The following TAFA1 variants were observed in gnomAD, a reference collection of about 807,000 sequenced individuals.
The protein encoded by TAFA1 is TAFA chemokine like family member 1, also known as chemokine-like protein TAFA-1.
TAFA1 carries 4 observed loss-of-function variants against 18.5 expected under a neutral mutation model. The observed-to-expected ratio is 0.22, with a 90% CI of 0.11 to 0.49. TAFA1 has a LOEUF of 0.49. TAFA1 is among the 20% of genes least tolerant of loss of function. TAFA1 has a pLI of 0.98. For missense variants in TAFA1, 147 were observed against 169.0 expected, an observed-to-expected ratio of 0.87 and a Z score of 0.72; for synonymous variants, 56 against 55.2, an observed-to-expected ratio of 1.01 and a Z score of -0.06.
intron 2 of TAFA1, among the ~76,000 whole-genome samples, chr3:68,193,261 A>T (rs2066370897): frequency 6.6e-6 from 1 of 151,794 alleles, no homozygotes; most frequent in South Asian, 2.1e-4. Context: ...ATTTTATTTT[A>T]AGTACTTTTC....
At chr3:68,263,604 G>T (rs1321189465) in intron 2 of TAFA1, among the ~76,000 whole-genome samples, 1 of 151,602 alleles carries the variant, frequency 6.6e-6, no homozygotes, top group Non-Finnish European at 1.5e-5. Flanking sequence ...AAGTAATGAA[G>T]CTGAGAGAGG....
intron 2 of TAFA1, among the ~76,000 whole-genome samples, chr3:68,349,185 T>C (rs140459426): frequency 6.6e-6 from 1 of 152,058 alleles, no homozygotes; most frequent in African/African-American, 2.4e-5. Context: ...CTTGACTATC[T>C]CTTTTTTCAG....
chr3:68,126,260 G>A (rs1559529976), intron 2 of TAFA1, among the ~76,000 whole-genome samples: 1 of 152,124 alleles, frequency 6.6e-6, no homozygotes, highest in Non-Finnish European at 1.5e-5. Context: ...CTGGCCACCC[G>A]TAAGCATTGG....
rs570080983 is a variant in TAFA1, at chr3:68,242,795, A to G, written c.119-174485A>G. Among the ~76,000 whole-genome samples, 5 of 152,034 alleles carry G rather than the reference A, an allele frequency of 3.3e-5. No individual in the cohort carries two copies. In the East Asian group the frequency reaches 9.7e-4, roughly 29 times the overall value. On this transcript the variant is annotated intron_variant, in intron 2 of 4. Coordinates refer to ENST00000478136, the MANE Select transcript of TAFA1 (RefSeq NM_213609.4). ...TGTATGTAACACTTAGCATATGGTG[A>G]CTCTTAAGTAATGATGTGAGACGTG...
chr3:68,301,930 A>G (rs967046706), intron 2 of TAFA1, among the ~76,000 whole-genome samples: 11 of 152,108 alleles, frequency 7.2e-5, no homozygotes, highest in African/African-American at 2.7e-4. Flanking sequence ...TTCTTAGTTT[A>G]TTTATATTTG....
At chr3:68,109,909 T>C (rs2065244781) in intron 2 of TAFA1, among the ~76,000 whole-genome samples, 1 of 152,206 alleles carries the variant, frequency 6.6e-6, no homozygotes, top group South Asian at 2.1e-4. Flanking sequence ...ATTTTTAAAC[T>C]GCAGAGCCTC....
intron 2 of TAFA1, among the ~76,000 whole-genome samples, chr3:68,110,384 G>C (rs1350643834): frequency 6.6e-6 from 1 of 152,042 alleles, no homozygotes; most frequent in African/African-American, 2.4e-5. Flanking sequence ...TCATTGATGG[G>C]CATTTGGGCT....
In TAFA1 at chr3:68,004,561, T is replaced by A. The variant is rs1704326033; in HGVS notation, c.-145T>A. 6.6e-6 allele frequency: 1 copy of A among 152,034 alleles called. No individual in the cohort carries two copies. The highest frequency in any genetic ancestry group is 2.1e-4 in the South Asian group (1 of 4,818). 9.4% of individuals were successfully genotyped at this position (152,034 alleles called of 1,614,324 possible). On this transcript the variant is annotated 5_prime_UTR_variant, in exon 1 of 5. Transcript: ENST00000478136. ...AGGATCGGAAGAGAGTAACATTTTT[T>A]TTTTTTTAATCCTGATAAAGAAGAT... is the stretch of plus-strand genomic sequence containing the variant.
At chr3:68,123,195 T>A (rs750227308) in intron 2 of TAFA1, among the ~76,000 whole-genome samples, 2 of 152,028 alleles carry the variant, frequency 1.3e-5, no homozygotes, top group Non-Finnish European at 2.9e-5. Flanking sequence ...AGATGCATTG[T>A]GAGTGCAGAA....
intron 2 of TAFA1, among the ~76,000 whole-genome samples, chr3:68,187,766 A>C (rs1297389810): frequency 6.6e-6 from 1 of 152,024 alleles, no homozygotes; most frequent in East Asian, 1.9e-4. Context: ...TACACAGCTT[A>C]TACTTATCCC....
In TAFA1 at chr3:68,004,537, G is replaced by T. The variant is rs1704324904; in HGVS notation, c.-169G>T. 1 of 144,372 alleles carries T rather than the reference G, an allele frequency of 6.9e-6. No homozygotes were observed. The highest frequency in any genetic ancestry group is 1.5e-5 in the Non-Finnish European group (1 of 66,262). The allele number at this position is 144,372 out of a possible 1,614,324, so 8.9% of individuals were successfully genotyped here. A position where few individuals can be genotyped will look rare whatever the true frequency, so the allele number is the denominator to read the frequency against. ...TGTCTTTTTTTTTACTGTGGAAATAGGATCGGAAGAGAGTAACATTTTTTT... is the reference window on the plus strand; with the variant it reads ...TGTCTTTTTTTTTACTGTGGAAATATGATCGGAAGAGAGTAACATTTTTTT... On this transcript the variant is annotated 5_prime_UTR_variant, in exon 1 of 5. In the 5' UTR this introduces an upstream ATG that the reference lacks. Coordinates refer to ENST00000478136, the MANE Select transcript of TAFA1 (RefSeq NM_213609.4).
intron 2 of TAFA1, among the ~76,000 whole-genome samples, chr3:68,370,054 C>T (rs1029832273): frequency 9.3e-5 from 14 of 150,922 alleles, no homozygotes; most frequent in Middle Eastern, 3.4e-3. Context: ...TTTGGGAGGC[C>T]GAGGCAGGCG....
At chr3:68,050,865 T>G (rs2064462946) in intron 2 of TAFA1, among the ~76,000 whole-genome samples, 1 of 152,174 alleles carries the variant, frequency 6.6e-6, no homozygotes, top group Non-Finnish European at 1.5e-5. Context: ...TGCTTTCCAG[T>G]AAAACTTGAT....
chr3:68,051,043 C>A (rs546140495), intron 2 of TAFA1, among the ~76,000 whole-genome samples: 1 of 152,096 alleles, frequency 6.6e-6, no homozygotes, highest in Admixed American at 6.6e-5. Flanking sequence ...TGTATCTCAG[C>A]TTGATGACTT....
chr3:68,265,550 A>G (rs961832009), intron 2 of TAFA1, among the ~76,000 whole-genome samples: 2 of 152,166 alleles, frequency 1.3e-5, no homozygotes, highest in African/African-American at 4.8e-5. Context: ...AGATGTTTTG[A>G]TATGTCCCAC....
At chr3:68,497,398 C>T (rs2106696399) in intron 3 of TAFA1, among the ~76,000 whole-genome samples, 1 of 152,282 alleles carries the variant, frequency 6.6e-6, no homozygotes. Flanking sequence ...GAGCAAGACA[C>T]ACCTATGACT....
chr3:68,400,061 T>A (rs1161458699), intron 2 of TAFA1, among the ~76,000 whole-genome samples: 1 of 152,200 alleles, frequency 6.6e-6, no homozygotes, highest in Non-Finnish European at 1.5e-5. Flanking sequence ...CTTAACCAGC[T>A]TGGATGACAA....
At chr3:68,169,660 A>G (rs769210405) in intron 2 of TAFA1, among the ~76,000 whole-genome samples, 7 of 152,246 alleles carry the variant, frequency 4.6e-5, no homozygotes, top group Non-Finnish European at 1.0e-4. Context: ...AAAGTTCAAA[A>G]TATTTGATGC....
intron 2 of TAFA1, among the ~76,000 whole-genome samples, chr3:68,230,437 C>A (rs1247628114): frequency 1.3e-5 from 2 of 152,130 alleles, no homozygotes; most frequent in African/African-American, 2.4e-5. Context: ...CATGTTGTTG[C>A]AAAAGACAGG....
Sources: gnomAD v4.1 joint callset for allele counts (sites outside exome capture counted in the v4.1 genomes callset) on GRCh38, gnomAD v4.1.1 for gene constraint, MANE v1.5 for transcripts, NCBI Gene and HGNC (gene_info 2026-07-23, HGNC 2026-07-21) for gene names.